KIDINS220: variants seen among roughly 807,000 people sequenced by gnomAD.
The protein encoded by KIDINS220 is kinase D-interacting substrate of 220 kDa.
A neutral mutation model predicts 157.6 loss-of-function variants in KIDINS220; 63 were observed. That is an observed-to-expected ratio of 0.40 (90% CI 0.33 to 0.49). The LOEUF is 0.49. Ranked by LOEUF, KIDINS220 falls within the 20% of genes least tolerant of loss-of-function variation. KIDINS220 has a pLI of 0.66. For synonymous variants in KIDINS220, 732 were observed against 783.6 expected, an observed-to-expected ratio of 0.93 and a Z score of 1.10; for missense variants, 1,772 against 2,171.2, an observed-to-expected ratio of 0.82 and a Z score of 3.65.
intron 1 of KIDINS220, among the ~76,000 whole-genome samples, chr2:8,837,143 G>GA (rs1479949200): frequency 6.6e-6 from 1 of 152,130 alleles, no homozygotes; most frequent in South Asian, 2.1e-4. Context: ...GGATGTGCCA[G>GA]AGGCTGCTTG....
chr2:8,771,232 C>A (rs1257750488), intron 21 of KIDINS220, among the ~76,000 whole-genome samples: 2 of 152,186 alleles, frequency 1.3e-5, no homozygotes, highest in Non-Finnish European at 2.9e-5. Flanking sequence ...TATTGATGGA[C>A]TATAAACAGA....
intron 17 of KIDINS220, among the ~76,000 whole-genome samples, chr2:8,783,413 G>A (rs1389364471): frequency 1.3e-5 from 2 of 152,090 alleles, no homozygotes; most frequent in African/African-American, 4.8e-5. Context: ...TCAGGAACGA[G>A]GCAAGATTGT....
intron 9 of KIDINS220, chr2:8,800,058 AAAAT>A: frequency 5.2e-6 from 1 of 190,928 alleles, no homozygotes; most frequent in Non-Finnish European, 1.1e-5. Context: ...AACACTAAAA[AAAAT>A]AAATAAGTAC....
At chr2:8,804,013 A>G (rs967203370) in intron 7 of KIDINS220, among the ~76,000 whole-genome samples, 2 of 152,254 alleles carry the variant, frequency 1.3e-5, no homozygotes, top group Non-Finnish European at 2.9e-5. Flanking sequence ...ACATATTAAA[A>G]TAACACAGCC....
At chr2:8,727,451 G>A (rs1663441952), downstream of KIDINS220, among the ~76,000 whole-genome samples, 2 of 152,196 alleles carry the variant, frequency 1.3e-5, no homozygotes, top group African/African-American at 2.4e-5. Context: ...GAGTTAGCCA[G>A]GAATTCAGAG....
intron 4 of KIDINS220, among the ~76,000 whole-genome samples, chr2:8,813,585 T>C (rs975046455): frequency 1.3e-5 from 2 of 152,232 alleles, no homozygotes; most frequent in South Asian, 2.1e-4. Flanking sequence ...AGAACATTCA[T>C]TATGAACTCT....
At chr2:8,791,352 A>T in intron 12 of KIDINS220, 128 bp from the exon 13 acceptor site, 1 of 685,014 alleles carries the variant, frequency 1.5e-6, no homozygotes, top group Middle Eastern at 4.1e-4. Flanking sequence ...ATGTAGGGAC[A>T]GTTTCAGGGA....
chr2:8,820,157 T>C lies in KIDINS220; in HGVS notation c.109-1364A>G, dbSNP rs373477338. ...AGGGCATGCCTGGCCCTCGACCCAG[T>C]CTGTGCCACCCCCGGCCTCAACGTG... On this transcript the variant is annotated intron_variant, in intron 2 of 29. Coordinates refer to ENST00000256707, the MANE Select transcript of KIDINS220 (RefSeq NM_020738.4). 7.8e-4 allele frequency among the ~76,000 whole-genome samples: 118 copies of C among 152,256 alleles called. 1 individual carries two copies. In the South Asian group the frequency reaches 0.023, roughly 30 times the overall value.
At chr2:8,823,930 T>C (rs1472386997) in intron 2 of KIDINS220, among the ~76,000 whole-genome samples, 2 of 151,922 alleles carry the variant, frequency 1.3e-5, no homozygotes, top group African/African-American at 2.4e-5. Flanking sequence ...ATAGAAACAT[T>C]GAAAATATAG....
chr2:8,815,388 C>A (rs533166018), intron 4 of KIDINS220, among the ~76,000 whole-genome samples: 14 of 146,646 alleles, frequency 9.5e-5, no homozygotes, highest in East Asian at 7.9e-4. Context: ...GTGACAGAGA[C>A]CCTGTCTCAA....
intron 21 of KIDINS220, among the ~76,000 whole-genome samples, chr2:8,774,498 T>A (rs1670696263): frequency 6.6e-6 from 1 of 152,040 alleles, no homozygotes; most frequent in African/African-American, 2.4e-5. Context: ...AAAGAAGATG[T>A]CATTTTATAC....
chr2:8,799,819 T>C (rs950072249), intron 9 of KIDINS220, among the ~76,000 whole-genome samples: 7 of 152,222 alleles, frequency 4.6e-5, no homozygotes, highest in Non-Finnish European at 1.0e-4. Flanking sequence ...GAACTTTTTC[T>C]AAAGTCTAAA....
chr2:8,763,597 T>G (rs541717081), intron 22 of KIDINS220, among the ~76,000 whole-genome samples: 38 of 152,360 alleles, frequency 2.5e-4, no homozygotes, highest in Middle Eastern at 3.4e-3. Context: ...GCCCTGCATA[T>G]AATAAATTCT....
intron 17 of KIDINS220, among the ~76,000 whole-genome samples, chr2:8,781,957 A>G (rs1189149925): frequency 3.3e-5 from 5 of 152,010 alleles, no homozygotes; most frequent in African/African-American, 1.2e-4. Flanking sequence ...CCCTATATCT[A>G]CAAAAATTAG....
Position 8,791,074 on chromosome 2 carries a change from A to G in KIDINS220, c.1427T>C (p.Leu476Pro). The G allele has an allele frequency of 1.9e-6, 3 of 1,613,144 alleles. No homozygotes were observed. Among genetic ancestry groups the G allele is most frequent in the Non-Finnish European group, 2.5e-6 (3 of 1,179,552 alleles). ...AAGCCCTTTACCTTCTAGTTTCTTG[A>G]GTAAGAAAGATTTCCCACTTCCCCA... is the stretch of plus-strand genomic sequence containing the variant. The part of the protein sequence containing the change: ...AQWGSGKSFL[L>P]KKLEDEMKTF... Residue 476 changes from leucine to proline, a missense_variant, in exon 13 of 30, where the codon CTC (leucine) becomes CCC (proline). Around this residue, in one of 3 missense-constraint regions of KIDINS220, gnomAD observed 725 missense variants for 1,017.1 expected, o/e 0.71. Coordinates refer to ENST00000256707, the MANE Select transcript of KIDINS220 (RefSeq NM_020738.4).
chr2:8,826,395 G>A (rs985274832), intron 2 of KIDINS220, among the ~76,000 whole-genome samples: 1 of 152,144 alleles, frequency 6.6e-6, no homozygotes, highest in Non-Finnish European at 1.5e-5. Flanking sequence ...GATCAACTGA[G>A]GTCGGGAGTT....
At chr2:8,747,351 G>C (rs1666727773) in intron 25 of KIDINS220, 150 bp from the exon 26 acceptor site, 1 of 654,854 alleles carries the variant, frequency 1.5e-6, no homozygotes, top group Non-Finnish European at 2.7e-6. Context: ...CATATTAATA[G>C]AGAGTTTCTT....
intron 2 of KIDINS220, among the ~76,000 whole-genome samples, chr2:8,819,238 C>T (rs899522194): frequency 3.3e-5 from 5 of 152,058 alleles, no homozygotes; most frequent in African/African-American, 1.2e-4. Context: ...TAAATAAAAA[C>T]AACCAGGTGC....
chr2:8,769,565 C>G (rs1267438951), intron 22 of KIDINS220, among the ~76,000 whole-genome samples: 1 of 151,990 alleles, frequency 6.6e-6, no homozygotes, highest in African/African-American at 2.4e-5. Flanking sequence ...ATATAACATG[C>G]GAAAAATAAA....
Sources: allele counts gnomAD v4.1 joint callset (sites outside exome capture counted in the v4.1 genomes callset), GRCh38; gene constraint gnomAD v4.1.1; regional missense constraint gnomAD v4.1.1; transcripts MANE v1.5; gene names NCBI Gene and HGNC (gene_info 2026-07-23, HGNC 2026-07-21).